Variants in INPP5A observed in about 807,000 individuals in gnomAD.
INPP5A encodes 43 kDa inositol polyphosphate 5-phophatase.
INPP5A carries 14 observed loss-of-function variants against 65.2 expected under a neutral mutation model. The observed-to-expected ratio is 0.21, with a 90% CI of 0.14 to 0.34. The LOEUF is 0.34. INPP5A is among the 10% of genes least tolerant of loss of function. The pLI is 1.00. For synonymous variants in INPP5A, 207 were observed against 208.3 expected (o/e 0.99, Z 0.05); for missense variants, 431 against 545.6 (o/e 0.79, Z 2.09).
intron 2 of INPP5A, among the ~76,000 whole-genome samples, chr10:132,617,539 C>T (rs1020737400): frequency 8.5e-5 from 13 of 152,210 alleles, no homozygotes; most frequent in Non-Finnish European, 1.8e-4. Context: ...CTGTTACCTG[C>T]TCGTGTGGCC....
intron 4 of INPP5A, among the ~76,000 whole-genome samples, chr10:132,689,129 C>G (rs933931083): frequency 6.6e-6 from 1 of 152,212 alleles, no homozygotes; most frequent in Non-Finnish European, 1.5e-5. Flanking sequence ...AGGCGTTGCC[C>G]TTGTGTTGCC....
chr10:132,632,035 CA>C, intron 2 of INPP5A, among the ~76,000 whole-genome samples: 1 of 152,352 alleles, frequency 6.6e-6, no homozygotes, highest in South Asian at 2.1e-4. Flanking sequence ...TGGAGATGTG[CA>C]CCCCCATGGG....
At chr10:132,670,673 C>G (rs1045906814) in intron 4 of INPP5A, among the ~76,000 whole-genome samples, 31 of 151,624 alleles carry the variant, frequency 2.0e-4, no homozygotes, top group African/African-American at 6.8e-4. Context: ...CTGGGAGGTC[C>G]CAGTGGGGAG....
chr10:132,616,361 C>T lies in INPP5A; in HGVS notation c.117+8405C>T, dbSNP rs1360406015. 1.3e-5 allele frequency among the ~76,000 whole-genome samples: 2 copies of T among 150,534 alleles called. No homozygotes were observed. Among genetic ancestry groups the T allele is most frequent in the African/African-American group, 2.4e-5 (1 of 40,842 alleles). Reference sequence around the variant, plus strand: ...CGTGGGCGTGGTGTGGGGCACGTGGCGTGCGGGGACGCCGTGGGCGTGGTG... The same window carrying T: ...CGTGGGCGTGGTGTGGGGCACGTGGTGTGCGGGGACGCCGTGGGCGTGGTG... On this transcript the variant is annotated intron_variant, in intron 2 of 15. Transcript: ENST00000368594. This position sits in a 1 kb window ranked among gnomAD's most constrained non-coding sequence, Gnocchi z 4.9.
intron 9 of INPP5A, among the ~76,000 whole-genome samples, chr10:132,739,950 G>T (rs888569482): frequency 6.6e-6 from 1 of 152,164 alleles, no homozygotes. Context: ...GATGCCAGAG[G>T]ACTCCAGAGG....
In INPP5A at chr10:132,782,355, A is replaced by C. The variant is rs901601191; in HGVS notation, c.*326A>C. 6.1e-6 allele frequency: 2 copies of C among 328,788 alleles called. No homozygotes were observed. Among genetic ancestry groups the C allele is most frequent in the Non-Finnish European group, 1.2e-5 (2 of 170,574 alleles). 20.4% of individuals were successfully genotyped at this position (328,788 alleles called of 1,614,324 possible). On this transcript the variant is annotated 3_prime_UTR_variant, in exon 16 of 16. Coordinates refer to ENST00000368594, the MANE Select transcript of INPP5A (RefSeq NM_005539.5). This position sits in a 1 kb window ranked among gnomAD's most constrained non-coding sequence, Gnocchi z 4.4. Reference sequence around the variant, plus strand: ...ACTTCACAGTTTTCAGTTTTTAATGATTGCCAGTGGAGGGGCTTCTTCAGC... The same window carrying C: ...ACTTCACAGTTTTCAGTTTTTAATGCTTGCCAGTGGAGGGGCTTCTTCAGC...
At chr10:132,548,887 C>T (rs887904201) in intron 1 of INPP5A, among the ~76,000 whole-genome samples, 4 of 150,548 alleles carry the variant, frequency 2.7e-5, no homozygotes, top group African/African-American at 7.3e-5. Context: ...GCCTCAAACT[C>T]CTGGACTCAA....
At chr10:132,677,913 A>T (rs1199899636) in intron 4 of INPP5A, among the ~76,000 whole-genome samples, 1 of 152,246 alleles carries the variant, frequency 6.6e-6, no homozygotes, top group Non-Finnish European at 1.5e-5. Flanking sequence ...GGAACAGAAT[A>T]TCATTAGCTT....
chr10:132,755,981 A>G (rs1437302798), intron 11 of INPP5A, among the ~76,000 whole-genome samples: 4 of 152,226 alleles, frequency 2.6e-5, no homozygotes, highest in African/African-American at 9.6e-5. Flanking sequence ...ACACCTGTGC[A>G]CACACCAAAC....
intron 4 of INPP5A, among the ~76,000 whole-genome samples, chr10:132,665,704 A>C (rs1179320290): frequency 1.4e-5 from 2 of 144,850 alleles, no homozygotes; most frequent in Admixed American, 1.4e-4. Flanking sequence ...TAATCCCAGC[A>C]CTCTGGGAGG....
intron 11 of INPP5A, among the ~76,000 whole-genome samples, 169 bp from the exon 12 acceptor site, chr10:132,765,604 G>A (rs1054908864): frequency 4.6e-5 from 7 of 152,220 alleles, no homozygotes; most frequent in Admixed American, 2.6e-4. Context: ...AGAGGCAGGC[G>A]AACACCAGAG....
At chr10:132,774,914 CACGGAGGAGAGAGGGGT>C in intron 12 of INPP5A, among the ~76,000 whole-genome samples, 1 of 65,294 alleles carries the variant, frequency 1.5e-5, no homozygotes, top group Middle Eastern at 0.01. Flanking sequence ...GAGAGAGGGG[CACGGAGGAGAGAGGGGT>C]AGGGAGAGAC....
At chr10:132,731,013 T>A (rs1846075178) in intron 9 of INPP5A, among the ~76,000 whole-genome samples, 1 of 152,220 alleles carries the variant, frequency 6.6e-6, no homozygotes, top group Non-Finnish European at 1.5e-5. Context: ...GGACTTGCTG[T>A]CCAGCCAGCT....
chr10:132,543,707 A>G (rs1403290379), intron 1 of INPP5A, among the ~76,000 whole-genome samples: 1 of 152,282 alleles, frequency 6.6e-6, no homozygotes, highest in African/African-American at 2.4e-5. Flanking sequence ...CATGAGCCAC[A>G]GTGCCAAGTC....
chr10:132,545,272 C>G lies in INPP5A; in HGVS notation c.75+7101C>G, dbSNP rs1564910808. Among the ~76,000 whole-genome samples the G allele has an allele frequency of 6.6e-6, 1 of 151,960 alleles. No homozygotes were observed. The highest frequency in any genetic ancestry group is 1.5e-5 in the Non-Finnish European group (1 of 67,978). On this transcript the variant is annotated intron_variant, in intron 1 of 15. Coordinates refer to ENST00000368594, the MANE Select transcript of INPP5A (RefSeq NM_005539.5). The surrounding 1 kb of genome is among the most constrained non-coding windows in gnomAD (Gnocchi z 4.6). ...ATTCAGAAGTTACAGAAATCCAGAC[C>G]CAGGCCTGCCCCACCGTGAAGCATC... is the stretch of plus-strand genomic sequence containing the variant.
chr10:132,570,000 A>G (rs975618804), intron 1 of INPP5A, among the ~76,000 whole-genome samples: 2 of 132,496 alleles, frequency 1.5e-5, no homozygotes, highest in South Asian at 2.5e-4. Flanking sequence ...GGGTTTCACC[A>G]TATTGGCCAG....
rs1226463914 is a variant in INPP5A at position 132,545,885 on chromosome 10, G to C, written c.75+7714G>C. ...TTCAGGAAGGCCGACTGCCTCAATCGTGGTTGCTGCCTCCGCTCGGCCTGA... is the reference window on the plus strand; with the variant it reads ...TTCAGGAAGGCCGACTGCCTCAATCCTGGTTGCTGCCTCCGCTCGGCCTGA... On this transcript the variant is annotated intron_variant, in intron 1 of 15. Transcript: ENST00000368594. This position sits in a 1 kb window ranked among gnomAD's most constrained non-coding sequence, Gnocchi z 4.6. Among the ~76,000 whole-genome samples the C allele has an allele frequency of 1.3e-5, 2 of 152,234 alleles. No individual in the cohort carries two copies. The highest frequency in any genetic ancestry group is 2.9e-5 in the Non-Finnish European group (2 of 68,034).
At position 132,538,302 on chromosome 10, in the gene INPP5A, T is replaced by G; in HGVS notation, c.75+131T>G. 8.7e-6 allele frequency: 3 copies of G among 345,048 alleles called. No individual in the cohort carries two copies. The highest frequency in any genetic ancestry group is 1.4e-5 in the Non-Finnish European group (3 of 213,854). The allele number at this position is 345,048 out of a possible 1,614,324, so 21.4% of individuals were successfully genotyped here. On this transcript the variant is annotated intron_variant, in intron 1 of 15. Coordinates refer to ENST00000368594, the MANE Select transcript of INPP5A (RefSeq NM_005539.5). The surrounding 1 kb of genome is among the most constrained non-coding windows in gnomAD (Gnocchi z 4.1). ...CAGAGGCCCCAGACTCTGATCCCTG[T>G]ACCCGGGACCCCAGACTCCTGTCCT...
chr10:132,588,468 G>A (rs2133309741), intron 1 of INPP5A, among the ~76,000 whole-genome samples: 1 of 152,330 alleles, frequency 6.6e-6, no homozygotes, highest in South Asian at 2.1e-4. Flanking sequence ...ACTATTTTTA[G>A]CTGCAATGTA....
Sources: gnomAD v4.1 joint callset for allele counts (sites outside exome capture counted in the v4.1 genomes callset) on GRCh38, gnomAD v4.1.1 for gene constraint, Gnocchi (gnomAD v3.1) non-coding constraint, MANE v1.5 for transcripts, NCBI Gene and HGNC (gene_info 2026-07-23, HGNC 2026-07-21) for gene names.